CIMAP1D: variants seen among roughly 807,000 people sequenced by gnomAD.
The protein encoded by CIMAP1D is protein CIMAP1D.
At chr19:471,242 G>A in the CIMAP1D span, among the ~76,000 whole-genome samples, 31 of 151,930 alleles carry the variant, frequency 2.0e-4, no homozygotes, top group African/African-American at 6.5e-4. Context: ...TCTGCCTCCC[G>A]GGTTCACGCC....
the CIMAP1D span, among the ~76,000 whole-genome samples, chr19:471,395 G>T: frequency 4.0e-5 from 6 of 151,734 alleles, no homozygotes; most frequent in African/African-American, 1.2e-4. Flanking sequence ...GGATCCCCCC[G>T]CCTCGGCCTC....
the CIMAP1D span, among the ~76,000 whole-genome samples, chr19:471,779 G>A: frequency 1.3e-5 from 2 of 149,004 alleles, no homozygotes; most frequent in Non-Finnish European, 3.0e-5. Context: ...GTCTCACTCT[G>A]TCGCCCAGGC....
the CIMAP1D span, among the ~76,000 whole-genome samples, chr19:467,071 GGGT>G: frequency 1.7e-5 from 2 of 121,198 alleles, no homozygotes; most frequent in Non-Finnish European, 3.4e-5. Context: ...GTGGGTGGGT[GGGT>G]GGATGGATGA....
chr19:485,526 C>T, the CIMAP1D span, among the ~76,000 whole-genome samples: 3 of 152,336 alleles, frequency 2.0e-5, no homozygotes, highest in South Asian at 4.1e-4. Context: ...CAGGCTGGCG[C>T]GATCACAGCT....
the CIMAP1D span, chr19:472,624 C>T: frequency 1.2e-5 from 7 of 606,008 alleles, no homozygotes; most frequent in East Asian, 6.6e-5. Flanking sequence ...TTGGGGGCCC[C>T]GGGGAGCAAG....
At chr19:478,752 G>A in the CIMAP1D span, among the ~76,000 whole-genome samples, 21 of 152,300 alleles carry the variant, frequency 1.4e-4, no homozygotes, top group Non-Finnish European at 2.4e-4. Context: ...CCGGCCCTAC[G>A]TCCACCCGCC....
At chr19:486,839 G>A in the CIMAP1D span, among the ~76,000 whole-genome samples, 24 of 152,076 alleles carry the variant, frequency 1.6e-4, no homozygotes, top group East Asian at 1.4e-3. Flanking sequence ...ACGTGAACCC[G>A]GGAGGCGGAG....
At chr19:467,234 ATGGT>A in the CIMAP1D span, among the ~76,000 whole-genome samples, 2 of 150,790 alleles carry the variant, frequency 1.3e-5, no homozygotes, top group African/African-American at 4.9e-5. Flanking sequence ...GGGTGGGTAG[ATGGT>A]TGGGTGGAGG....
chr19:479,979 T>C, the CIMAP1D span, among the ~76,000 whole-genome samples: 5 of 152,382 alleles, frequency 3.3e-5, no homozygotes, highest in Non-Finnish European at 7.3e-5. Context: ...TTCAGTCTTA[T>C]AATGACGGTC....
the CIMAP1D span, among the ~76,000 whole-genome samples, chr19:477,698 T>C: frequency 6.6e-6 from 1 of 152,256 alleles, no homozygotes; most frequent in East Asian, 1.9e-4. Context: ...AGTCTCGCTC[T>C]GTCGCCCAGG....
chr19:487,261 T>G, the CIMAP1D span, among the ~76,000 whole-genome samples: 1 of 152,126 alleles, frequency 6.6e-6, no homozygotes, highest in Admixed American at 6.6e-5. Flanking sequence ...ATGGGAGTAT[T>G]TACAACACAG....
the CIMAP1D span, among the ~76,000 whole-genome samples, chr19:487,786 G>A: frequency 6.6e-6 from 1 of 152,146 alleles, no homozygotes; most frequent in African/African-American, 2.4e-5. Context: ...ATTGTCTTAT[G>A]CCCAATTTCT....
the CIMAP1D span, among the ~76,000 whole-genome samples, chr19:466,281 G>GGGTGGGTA: frequency 7.1e-6 from 1 of 141,182 alleles, no homozygotes; most frequent in African/African-American, 2.6e-5. Flanking sequence ...ATGGATGGGT[G>GGGTGGGTA]GGTGGGTGGA....
the CIMAP1D span, among the ~76,000 whole-genome samples, chr19:481,061 GAAAGGATGATGGGA>G: frequency 6.7e-6 from 1 of 148,770 alleles, no homozygotes; most frequent in South Asian, 2.2e-4. Flanking sequence ...AAGGATGATG[GAAAGGATGATGGGA>G]AGGATGATGG....
At chr19:486,569 T>C in the CIMAP1D span, among the ~76,000 whole-genome samples, 8 of 151,632 alleles carry the variant, frequency 5.3e-5, no homozygotes, top group Non-Finnish European at 7.4e-5. Context: ...GCCTCCCAAG[T>C]AGCTGGGATT....
chr19:464,490 T>C, the CIMAP1D span: 1 of 684,228 alleles, frequency 1.5e-6, no homozygotes. Context: ...GGTGCCTTTC[T>C]CTCCCTTCCC....
chr19:483,750 A>C, the CIMAP1D span, among the ~76,000 whole-genome samples: 1 of 152,188 alleles, frequency 6.6e-6, no homozygotes, highest in African/African-American at 2.4e-5. Context: ...GGGTCCCCGG[A>C]AGCTCTGGGA....
At chr19:474,782 G>T in the CIMAP1D span, 1 of 1,436,858 alleles carries the variant, frequency 7.0e-7, no homozygotes, top group Non-Finnish European at 9.2e-7. Flanking sequence ...GCACCCACGG[G>T]GCCTGGTGCT....
At chr19:484,212 C>T in the CIMAP1D span, among the ~76,000 whole-genome samples, 1 of 146,808 alleles carries the variant, frequency 6.8e-6, no homozygotes, top group African/African-American at 2.5e-5. Flanking sequence ...GCGATCTTGG[C>T]TCACCACAAT....
Sources: gnomAD v4.1 joint callset for allele counts (sites outside exome capture counted in the v4.1 genomes callset) on GRCh38, gnomAD v4.1.1 for gene constraint, MANE v1.5 for transcripts, NCBI Gene and HGNC (gene_info 2026-07-23, HGNC 2026-07-21) for gene names.